The following CHRDL2 variants were observed in gnomAD, a reference collection of about 807,000 sequenced individuals.
CHRDL2 encodes chordin-like protein 2.
A neutral mutation model predicts 54.3 loss-of-function variants in CHRDL2; 41 were observed. The ratio of observed to expected loss-of-function variants is 0.76; its 90% CI spans 0.59 to 0.98. CHRDL2 has a LOEUF of 0.98. CHRDL2 is among the 50% of genes least tolerant of loss of function. CHRDL2 has a pLI of 0.00. For synonymous variants in CHRDL2, 220 were observed against 224.3 expected, an observed-to-expected ratio of 0.98 and a Z score of 0.17; for missense variants, 518 against 562.4, an observed-to-expected ratio of 0.92 and a Z score of 0.80.
chr11:74,721,784 T>G (rs567398578), intron 1 of CHRDL2, among the ~76,000 whole-genome samples: 34 of 152,218 alleles, frequency 2.2e-4, no homozygotes, highest in Non-Finnish European at 3.4e-4. Flanking sequence ...AGCCTCAGTT[T>G]CCCATCTGCA....
chr11:74,698,004 T>G (rs1277964818), intron 9 of CHRDL2, among the ~76,000 whole-genome samples: 1 of 152,130 alleles, frequency 6.6e-6, no homozygotes, highest in Non-Finnish European at 1.5e-5. Context: ...GCCAAGCCTT[T>G]TCAAATGCCG....
At chr11:74,708,847 A>G (rs1167449486) in intron 4 of CHRDL2, among the ~76,000 whole-genome samples, 1 of 152,130 alleles carries the variant, frequency 6.6e-6, no homozygotes, top group Non-Finnish European at 1.5e-5. Context: ...TTGGTTTCCA[A>G]CTTTGGGATC....
chr11:74,712,114 C>CT (rs938516357), intron 3 of CHRDL2, among the ~76,000 whole-genome samples: 17 of 151,290 alleles, frequency 1.1e-4, no homozygotes, highest in South Asian at 1.1e-3. Context: ...CTGGCCAGAA[C>CT]TTTTTTTTTA....
chr11:74,707,176 G>A (rs997225386), intron 5 of CHRDL2, among the ~76,000 whole-genome samples: 17 of 152,122 alleles, frequency 1.1e-4, no homozygotes, highest in African/African-American at 3.9e-4. Flanking sequence ...AATCATTCCC[G>A]TTTCAAAGAC....
At chr11:74,719,814 C>T (rs1247012660) in intron 1 of CHRDL2, among the ~76,000 whole-genome samples, 2 of 152,146 alleles carry the variant, frequency 1.3e-5, no homozygotes, top group African/African-American at 4.8e-5. Flanking sequence ...CCTTTCTCAC[C>T]TCCCATAACC....
intron 2 of CHRDL2, among the ~76,000 whole-genome samples, chr11:74,717,420 A>G (rs972483402): frequency 2.0e-5 from 3 of 152,232 alleles, no homozygotes; most frequent in African/African-American, 7.2e-5. Flanking sequence ...ATTTTCTGTT[A>G]TGATTTCCTT....
intron 1 of CHRDL2, among the ~76,000 whole-genome samples, chr11:74,726,664 C>A (rs2034575810): frequency 6.6e-6 from 1 of 152,212 alleles, no homozygotes; most frequent in Non-Finnish European, 1.5e-5. Context: ...GAGGCCAGTC[C>A]TGGAACAGGT....
At chr11:74,705,043 T>C (rs548146480) in intron 6 of CHRDL2, among the ~76,000 whole-genome samples, 69 of 152,254 alleles carry the variant, frequency 4.5e-4, no homozygotes, top group Admixed American at 4.5e-3. Context: ...CGGCAGGCAG[T>C]TCTCCTTTGC....
chr11:74,715,310 GA>G (rs1388022380), intron 2 of CHRDL2, among the ~76,000 whole-genome samples: 3 of 152,166 alleles, frequency 2.0e-5, no homozygotes, highest in Non-Finnish European at 4.4e-5. Flanking sequence ...GACTATTAAA[GA>G]AGTAAGCAAG....
chr11:74,697,392 A>C lies in CHRDL2; in HGVS notation c.1121-95T>G, dbSNP rs538595082. ...GACTTAGCACAGAACGGACCCAATC[A>C]CTCCCTCCCCCACCCCATTCTGATC... is the stretch of plus-strand genomic sequence containing the variant. On this transcript the variant is annotated intron_variant, in intron 9 of 10. Coordinates refer to ENST00000376332, the MANE Select transcript of CHRDL2 (RefSeq NM_001278473.3). 9.9e-5 allele frequency: 79 copies of C among 800,940 alleles called. 1 individual carries two copies. In the South Asian group the frequency reaches 1.0e-3, roughly 11 times the overall value. 49.6% of individuals were successfully genotyped at this position (800,940 alleles called of 1,614,324 possible).
chr11:74,707,576 A>C (rs1456160432), intron 5 of CHRDL2, among the ~76,000 whole-genome samples: 1 of 152,152 alleles, frequency 6.6e-6, no homozygotes, highest in Non-Finnish European at 1.5e-5. Context: ...CTCTGCCGTC[A>C]GGAAGGCAGG....
At chr11:74,711,958 T>A (rs2135258093) in intron 3 of CHRDL2, among the ~76,000 whole-genome samples, 1 of 151,932 alleles carries the variant, frequency 6.6e-6, no homozygotes, top group East Asian at 1.9e-4. Flanking sequence ...TGCAGGCACA[T>A]GCCACCATAT....
Position 74,708,173 on chromosome 11 carries a change from C to T in CHRDL2, c.526+129G>A, listed in dbSNP as rs1029136702. On this transcript the variant is annotated intron_variant, in intron 5 of 10. Coordinates refer to ENST00000376332, the MANE Select transcript of CHRDL2 (RefSeq NM_001278473.3). ...TCTGGGGGGTGCAGGCTAAGCCACA[C>T]CCTGGAGGAAAGAGCCGTCTGCTAC... is the stretch of plus-strand genomic sequence containing the variant. 29 of 598,664 alleles carry T rather than the reference C, an allele frequency of 4.8e-5. No individual in the cohort carries two copies. The African/African-American group carries it at 5.7e-4, about 12-fold the overall frequency. The allele number at this position is 598,664 out of a possible 1,614,324, so 37.1% of individuals were successfully genotyped here.
At chr11:74,717,232 T>C (rs1195054421) in intron 2 of CHRDL2, among the ~76,000 whole-genome samples, 1 of 152,024 alleles carries the variant, frequency 6.6e-6, no homozygotes, top group Admixed American at 6.5e-5. Flanking sequence ...TGGCTTGGAT[T>C]AGGGGGAGCA....
intron 1 of CHRDL2, among the ~76,000 whole-genome samples, chr11:74,730,196 T>G (rs2034630095): frequency 6.6e-6 from 1 of 151,892 alleles, no homozygotes; most frequent in Admixed American, 6.6e-5. Context: ...AGTCTCACAC[T>G]GCAAATTCAG....
At chr11:74,711,551 G>A (rs1384208003) in intron 3 of CHRDL2, among the ~76,000 whole-genome samples, 1 of 152,182 alleles carries the variant, frequency 6.6e-6, no homozygotes, top group Admixed American at 6.5e-5. Flanking sequence ...GGAGGGGTAA[G>A]CCTCTGGTCC....
intron 2 of CHRDL2, 43 bp downstream of exon 2, chr11:74,718,677 A>T: frequency 7.3e-7 from 1 of 1,362,392 alleles, no homozygotes; most frequent in Non-Finnish European, 1.0e-6. Flanking sequence ...GAGGGTTCTC[A>T]GACATCCCTG....
chr11:74,703,162 G>C (rs2033886520), intron 8 of CHRDL2, 143 bp downstream of exon 8: 1 of 1,093,786 alleles, frequency 9.1e-7, no homozygotes, highest in Non-Finnish European at 1.3e-6. Context: ...TTCCACTCCT[G>C]TGTGTCTGAC....
intron 9 of CHRDL2, chr11:74,699,371 G>A (rs2033723411): frequency 6.6e-6 from 1 of 152,386 alleles, no homozygotes; most frequent in African/African-American, 2.4e-5. Context: ...GCTGTGGCAG[G>A]TCTGAGGGCA....
Sources: gnomAD v4.1 joint callset for allele counts (sites outside exome capture counted in the v4.1 genomes callset) on GRCh38, gnomAD v4.1.1 for gene constraint, MANE v1.5 for transcripts, NCBI Gene and HGNC (gene_info 2026-07-23, HGNC 2026-07-21) for gene names.